Variants in USP42 observed in about 807,000 individuals in gnomAD.
USP42 encodes the protein ubiquitin specific peptidase 42.
USP42 carries 23 observed loss-of-function variants against 113.0 expected under a neutral mutation model. That is an observed-to-expected ratio of 0.20 (90% CI 0.15 to 0.29). The LOEUF is 0.29. Among genes scored for constraint, USP42 ranks in the 10% least tolerant of loss-of-function variants. The pLI is 1.00. For missense variants in USP42, 2,174 were observed against 1,779.8 expected (o/e 1.22, Z -3.99); for synonymous variants, 933 against 699.0 (o/e 1.33, Z -5.28).
upstream of USP42, among the ~76,000 whole-genome samples, chr7:6,104,642 G>A (rs1331861929): frequency 6.6e-6 from 1 of 152,144 alleles, no homozygotes; most frequent in African/African-American, 2.4e-5. Flanking sequence ...GGAAGCACAG[G>A]GCGGAAGGAG....
At chr7:6,104,021 C>G (rs1026276156), upstream of USP42, among the ~76,000 whole-genome samples, 13 of 151,274 alleles carry the variant, frequency 8.6e-5, 1 homozygote, top group African/African-American at 2.7e-4. Context: ...GAGGTCGCAG[C>G]TGCAGTGAGT....
chr7:6,132,870 C>T (rs1780927633), intron 3 of USP42, among the ~76,000 whole-genome samples: 1 of 152,152 alleles, frequency 6.6e-6, no homozygotes, highest in Non-Finnish European at 1.5e-5. Context: ...GACGGGGTTT[C>T]ACCGTGTTAG....
At chr7:6,106,147 C>T (rs1779263895) in intron 1 of USP42, among the ~76,000 whole-genome samples, 1 of 152,180 alleles carries the variant, frequency 6.6e-6, no homozygotes, top group African/African-American at 2.4e-5. Context: ...TTCACTTTCT[C>T]TTCTGTATCT....
intron 3 of USP42, among the ~76,000 whole-genome samples, chr7:6,124,263 T>C (rs2128489354): frequency 6.6e-6 from 1 of 152,286 alleles, no homozygotes; most frequent in East Asian, 1.9e-4. Context: ...ATATTTAAAG[T>C]AGATTCCCTT....
intron 14 of USP42, among the ~76,000 whole-genome samples, chr7:6,150,901 C>T (rs912325060): frequency 6.6e-6 from 1 of 152,138 alleles, no homozygotes; most frequent in Non-Finnish European, 1.5e-5. Context: ...GACATCCGTC[C>T]GTCCACAACA....
the USP42 span, among the ~76,000 whole-genome samples, chr7:6,091,847 A>G: frequency 6.6e-6 from 1 of 150,728 alleles, no homozygotes; most frequent in Non-Finnish European, 1.5e-5. Context: ...ACAGCCTCCC[A>G]AATAGCTGGG....
intron 14 of USP42, 91 bp from the exon 15 acceptor site, chr7:6,153,665 G>T: frequency 7.5e-7 from 1 of 1,340,708 alleles, no homozygotes; most frequent in Non-Finnish European, 9.7e-7. Flanking sequence ...AATAGCAAAT[G>T]AACGTTTTGA....
At chr7:6,115,063 A>G (rs1380823761) in intron 2 of USP42, among the ~76,000 whole-genome samples, 1 of 151,852 alleles carries the variant, frequency 6.6e-6, no homozygotes, top group African/African-American at 2.4e-5. Context: ...TTTGGTAGAT[A>G]TTTCTCTCAA....
chr7:6,095,973 G>A, the USP42 span, among the ~76,000 whole-genome samples: 41 of 150,450 alleles, frequency 2.7e-4, no homozygotes, highest in African/African-American at 9.5e-4. Context: ...CTGTGCTCAG[G>A]TTGGTCTCGA....
chr7:6,094,897 C>T, the USP42 span, among the ~76,000 whole-genome samples: 37 of 150,774 alleles, frequency 2.5e-4, 1 homozygote, highest in African/African-American at 8.4e-4. Flanking sequence ...AAGCGATTCT[C>T]CTGCCTCAGC....
rs766280588 is a variant in USP42, at chr7:6,150,518, G to A, written c.2201+12G>A. The A allele has an allele frequency of 5.6e-6, 9 of 1,612,000 alleles. No homozygotes were observed. The South Asian group carries it at 8.8e-5, about 16-fold the overall frequency. ...ACGGATGAAATGAGGTAACGTAAGA[G>A]TACATCTGAGGCACGTGTGGCAGCA... On this transcript the variant is annotated intron_variant, in intron 14 of 17. Transcript: ENST00000306177.
At chr7:6,141,278 C>T (rs1370387108) in intron 7 of USP42, among the ~76,000 whole-genome samples, 1 of 147,618 alleles carries the variant, frequency 6.8e-6, no homozygotes. Flanking sequence ...TCTCGGCTCA[C>T]TGCAACCTCC....
At chr7:6,098,317 T>C in the USP42 span, among the ~76,000 whole-genome samples, 1 of 150,140 alleles carries the variant, frequency 6.7e-6, no homozygotes, top group Non-Finnish European at 1.5e-5. Flanking sequence ...CACATATCTA[T>C]AAACTCTCTC....
At chr7:6,113,372 G>A (rs921481746) in intron 2 of USP42, among the ~76,000 whole-genome samples, 14 of 151,976 alleles carry the variant, frequency 9.2e-5, no homozygotes, top group Non-Finnish European at 1.8e-4. Flanking sequence ...CTTTCTCCAC[G>A]GCCTTCAACC....
intron 7 of USP42, among the ~76,000 whole-genome samples, chr7:6,141,991 C>T (rs1217641541): frequency 1.3e-5 from 2 of 152,162 alleles, no homozygotes; most frequent in South Asian, 2.1e-4. Flanking sequence ...TGAGCGTGCT[C>T]TCTGGGCAGT....
At chr7:6,130,886 T>G (rs1414479432) in intron 3 of USP42, among the ~76,000 whole-genome samples, 1 of 152,068 alleles carries the variant, frequency 6.6e-6, no homozygotes, top group Non-Finnish European at 1.5e-5. Context: ...GGCCAGAGCC[T>G]TCGTTGAGGT....
the USP42 span, among the ~76,000 whole-genome samples, chr7:6,090,317 A>AAT: frequency 1.5e-4 from 22 of 142,792 alleles, no homozygotes; most frequent in East Asian, 1.6e-3. Context: ...AAAAAAAAGA[A>AAT]ATATATATAT....
intron 2 of USP42, among the ~76,000 whole-genome samples, chr7:6,112,987 T>G (rs1779683687): frequency 6.9e-6 from 1 of 145,240 alleles, no homozygotes; most frequent in Non-Finnish European, 1.5e-5. Flanking sequence ...CACTGCAATC[T>G]CTGCCTGCTG....
intron 3 of USP42, among the ~76,000 whole-genome samples, chr7:6,121,586 A>G (rs1406052247): frequency 6.6e-6 from 1 of 152,004 alleles, no homozygotes; most frequent in African/African-American, 2.4e-5. Flanking sequence ...TCTTCTTTAA[A>G]TGTTTGCTAG....
Sources: allele counts gnomAD v4.1 joint callset (sites outside exome capture counted in the v4.1 genomes callset), GRCh38; gene constraint gnomAD v4.1.1; transcripts MANE v1.5; gene names NCBI Gene and HGNC (gene_info 2026-07-23, HGNC 2026-07-21).